The following ZNF529 variants were observed in gnomAD, a reference collection of about 807,000 sequenced individuals.
ZNF529 encodes zinc finger protein 529.
Under a neutral mutation model 10.1 loss-of-function variants are expected in ZNF529, and 11 were observed. The ratio of observed to expected loss-of-function variants is 1.09; its 90% CI spans 0.69 to 1.81. The LOEUF (loss-of-function observed/expected upper bound fraction) is 1.81. Ranked by LOEUF, ZNF529 falls within the 40% of genes most tolerant of loss-of-function variation. The pLI is 0.00. For missense variants in ZNF529, 624 were observed against 666.8 expected (o/e 0.94, Z 0.71); for synonymous variants, 204 against 215.7 (o/e 0.95, Z 0.47).
intron 2 of ZNF529, among the ~76,000 whole-genome samples, chr19:36,570,176 C>T (rs1252002325): frequency 6.6e-6 from 1 of 151,868 alleles, no homozygotes; most frequent in Non-Finnish European, 1.5e-5. Flanking sequence ...GCTTGGGCAA[C>T]ATGGCAAAAC....
chr19:36,582,238 G>A (rs1421210400), intron 2 of ZNF529: 6 of 152,070 alleles, frequency 3.9e-5, no homozygotes, highest in African/African-American at 1.4e-4. Context: ...GATGTTGGTT[G>A]TACAAAAATG....
intron 2 of ZNF529, among the ~76,000 whole-genome samples, chr19:36,565,451 C>A (rs1353500796): frequency 6.6e-6 from 1 of 152,082 alleles, no homozygotes. Context: ...ACCTGTAATC[C>A]CAGCATTTTG....
At chr19:36,595,346 C>T (rs2036818076) in intron 1 of ZNF529, among the ~76,000 whole-genome samples, 1 of 152,180 alleles carries the variant, frequency 6.6e-6, no homozygotes, top group Non-Finnish European at 1.5e-5. Context: ...ATTTAATCCT[C>T]ATGCAGCTCT....
chr19:36,576,761 G>T (rs1204871388), upstream of ZNF529, among the ~76,000 whole-genome samples: 1 of 151,486 alleles, frequency 6.6e-6, no homozygotes, highest in Non-Finnish European at 1.5e-5. Flanking sequence ...ATATCACTCA[G>T]CACTCCTTTT....
chr19:36,595,067 C>T (rs182566420), intron 1 of ZNF529, among the ~76,000 whole-genome samples: 17 of 152,030 alleles, frequency 1.1e-4, no homozygotes, highest in East Asian at 1.9e-4. Context: ...TTAATAGAGA[C>T]GGGGTTTCAC....
chr19:36,578,223 C>T (rs1465654658), upstream of ZNF529, among the ~76,000 whole-genome samples: 3 of 147,718 alleles, frequency 2.0e-5, no homozygotes, highest in South Asian at 2.1e-4. Context: ...CGCCACCGCA[C>T]GCAGCTAATT....
intron 1 of ZNF529, among the ~76,000 whole-genome samples, chr19:36,601,179 A>ATTT (rs74174421): frequency 7.1e-6 from 1 of 141,558 alleles, no homozygotes; most frequent in Non-Finnish European, 1.6e-5. Context: ...TACAAGTGTA[A>ATTT]TTTTTTTTTT....
chr19:36,596,835 C>G (rs1028027092), intron 1 of ZNF529, among the ~76,000 whole-genome samples: 5 of 151,906 alleles, frequency 3.3e-5, no homozygotes, highest in African/African-American at 1.2e-4. Flanking sequence ...TTCAACTTTT[C>G]TATGTCATTA....
At chr19:36,549,006 A>C (rs1288998584) in intron 4 of ZNF529, among the ~76,000 whole-genome samples, 1 of 152,198 alleles carries the variant, frequency 6.6e-6, no homozygotes, top group Non-Finnish European at 1.5e-5. Flanking sequence ...CCGTCTCAAA[A>C]AAAACCACCT....
At position 36,547,290 on chromosome 19, in the gene ZNF529, T is replaced by G. The variant is rs766333845; in HGVS notation, c.1268A>C (p.Lys423Thr). ...QRIHTGEKPYKCKECEKAFGV... is the reference protein window; with the variant it reads ...QRIHTGEKPYTCKECEKAFGV... ...AAATGCTTTCTCACATTCTTTACAT[T>G]TATAGGGTTTTTCACCAGTATGAAT... Residue 423 changes from lysine to threonine, a missense_variant, in exon 5 of 5, where the codon AAA (lysine) becomes ACA (threonine). Physicochemically the swap from Lys to Thr is moderately conservative, Grantham distance 78. Coordinates refer to ENST00000591340, the MANE Select transcript of ZNF529 (RefSeq NM_020951.5). 7 of 1,613,682 alleles carry G rather than the reference T, an allele frequency of 4.3e-6. No individual in the cohort carries two copies. In the African/African-American group the frequency reaches 8.0e-5, roughly 18 times the overall value.
At chr19:36,588,401 T>C (rs922712201) in intron 2 of ZNF529, among the ~76,000 whole-genome samples, 2 of 152,182 alleles carry the variant, frequency 1.3e-5, no homozygotes, top group African/African-American at 4.8e-5. Flanking sequence ...CTGCTGTCTT[T>C]GCATAGGAGA....
intron 2 of ZNF529, 113 bp from the exon 3 acceptor site, chr19:36,556,310 T>A: frequency 1.5e-6 from 1 of 655,656 alleles, no homozygotes. Flanking sequence ...AAAAACATGT[T>A]AAGAACTCTT....
Position 36,558,816 on chromosome 19 carries a change from G to A in ZNF529, c.15-2619C>T, listed in dbSNP as rs578082935. Among the ~76,000 whole-genome samples, 5 of 151,834 alleles carry A rather than the reference G, an allele frequency of 3.3e-5. No homozygotes were observed. The South Asian group carries it at 1.0e-3, about 32-fold the overall frequency. On this transcript the variant is annotated intron_variant, in intron 2 of 4. Coordinates refer to ENST00000591340, the MANE Select transcript of ZNF529 (RefSeq NM_020951.5). ...ATAAAATTAAAAAGCTTCTACGAAA[G>A]AAAGGAAACAATTTAAAAAGTGAAA...
At chr19:36,553,389 C>T (rs1390456850) in intron 4 of ZNF529, among the ~76,000 whole-genome samples, 1 of 152,092 alleles carries the variant, frequency 6.6e-6, no homozygotes. Context: ...CACCCACCAC[C>T]TCGGCCTCCC....
chr19:36,553,553 C>T (rs768608971), intron 4 of ZNF529, among the ~76,000 whole-genome samples: 1 of 152,114 alleles, frequency 6.6e-6, no homozygotes, highest in Non-Finnish European at 1.5e-5. Flanking sequence ...TGGTGGAATA[C>T]TAATTTAATG....
chr19:36,583,232 A>C (rs926319576), intron 2 of ZNF529, among the ~76,000 whole-genome samples: 25 of 152,080 alleles, frequency 1.6e-4, no homozygotes, highest in African/African-American at 6.0e-4. Flanking sequence ...TAATTAAAAA[A>C]AAAATTTAGA....
rs754002354 is a variant in ZNF529 at position 36,581,146 on chromosome 19, G to A, written c.-41+8469C>T. 1.2e-4 allele frequency: 18 copies of A among 152,120 alleles called. 1 individual carries two copies. Among genetic ancestry groups the A allele is most frequent in the Admixed American group, 7.9e-4 (12 of 15,264 alleles). The allele number at this position is 152,120 out of a possible 1,614,324, so 9.4% of individuals were successfully genotyped here. ...TACATTCTTTTCATGTACCTGAACA[G>A]TCCCCATGATAGACTATTGGCTGGA... On this transcript the variant is annotated intron_variant, in intron 2 of 4. Coordinates refer to the ZNF529 transcript ENST00000585960.
At chr19:36,596,562 GGC>G (rs768287874) in intron 1 of ZNF529, among the ~76,000 whole-genome samples, 5 of 151,314 alleles carry the variant, frequency 3.3e-5, no homozygotes, top group Non-Finnish European at 7.4e-5. Flanking sequence ...CTGTCACCCA[GGC>G]TGGAGTACAG....
Position 36,559,805 on chromosome 19 carries a change from TATTTCAAAACTTAAGAAC to T in ZNF529, c.15-3626_15-3609del, listed in dbSNP as rs374088429. 3.7e-3 allele frequency among the ~76,000 whole-genome samples: 571 copies of T among 152,288 alleles called. 5 individuals carry two copies. Among genetic ancestry groups the T allele is most frequent in the African/African-American group, 0.013 (542 of 41,548 alleles). On this transcript the variant is annotated intron_variant, in intron 2 of 4. Coordinates refer to ENST00000591340, the MANE Select transcript of ZNF529 (RefSeq NM_020951.5). ...TGGTTATCCTTATGCAGCAAACCTA[TATTTCAAAACTTAAGAAC>T]ATTTCAAAACTTAAGATGAAAAGAC... is the stretch of plus-strand genomic sequence containing the variant.
Sources: allele counts gnomAD v4.1 joint callset (sites outside exome capture counted in the v4.1 genomes callset), GRCh38; gene constraint gnomAD v4.1.1; transcripts MANE v1.5; gene names NCBI Gene and HGNC (gene_info 2026-07-23, HGNC 2026-07-21).